The following UNC5D variants were observed in gnomAD, a reference collection of about 807,000 sequenced individuals.
The protein encoded by UNC5D is netrin receptor UNC5D.
A neutral mutation model predicts 105.4 loss-of-function variants in UNC5D; 39 were observed. The observed-to-expected ratio is 0.37, with a 90% CI of 0.29 to 0.48. The LOEUF (loss-of-function observed/expected upper bound fraction) is 0.48, where lower values mean the gene tolerates loss of function less well. Among genes scored for constraint, UNC5D ranks in the 20% least tolerant of loss-of-function variants. UNC5D has a pLI of 0.98. For synonymous variants in UNC5D, 452 were observed against 450.4 expected (o/e 1.00, Z -0.04); for missense variants, 991 against 1,202.4 (o/e 0.82, Z 2.60).
intron 1 of UNC5D, among the ~76,000 whole-genome samples, chr8:35,397,501 C>T (rs1011914693): frequency 2.6e-5 from 4 of 152,180 alleles, no homozygotes; most frequent in Non-Finnish European, 5.9e-5. Context: ...ACAACCTTCT[C>T]AACTTGCTTG....
intron 1 of UNC5D, among the ~76,000 whole-genome samples, chr8:35,478,196 A>G (rs1049407577): frequency 6.6e-6 from 1 of 152,108 alleles, no homozygotes; most frequent in African/African-American, 2.4e-5. Context: ...CTCTTCAAAA[A>G]TTTTTTGAAT....
chr8:35,557,064 C>G (rs975696468), intron 2 of UNC5D, among the ~76,000 whole-genome samples: 4 of 152,174 alleles, frequency 2.6e-5, no homozygotes, highest in Non-Finnish European at 5.9e-5. Context: ...AAATCATGAC[C>G]ATGTTGCCCA....
intron 8 of UNC5D, among the ~76,000 whole-genome samples, chr8:35,709,630 C>T (rs1161454657): frequency 6.6e-6 from 1 of 152,108 alleles, no homozygotes; most frequent in African/African-American, 2.4e-5. Context: ...GTGGAGGTTG[C>T]AGTGAGCCGA....
intron 4 of UNC5D, among the ~76,000 whole-genome samples, chr8:35,599,982 G>A (rs1819748417): frequency 6.6e-6 from 1 of 151,846 alleles, no homozygotes; most frequent in African/African-American, 2.4e-5. Context: ...TCCCTGGTGT[G>A]TGATGTTCCC....
chr8:35,629,533 G>C (rs1052707487), intron 4 of UNC5D, among the ~76,000 whole-genome samples: 1 of 151,940 alleles, frequency 6.6e-6, no homozygotes, highest in African/African-American at 2.4e-5. Context: ...ATAGACACTA[G>C]GACTCCAAAA....
At chr8:35,442,959 A>T (rs984673038) in intron 1 of UNC5D, among the ~76,000 whole-genome samples, 2 of 150,808 alleles carry the variant, frequency 1.3e-5, no homozygotes, top group Non-Finnish European at 1.5e-5. Context: ...CACTGTGCTT[A>T]AGTATTTGAC....
At chr8:35,616,865 A>C (rs973797228) in intron 4 of UNC5D, among the ~76,000 whole-genome samples, 2 of 152,250 alleles carry the variant, frequency 1.3e-5, no homozygotes, top group African/African-American at 2.4e-5. Flanking sequence ...GAAACCTCAT[A>C]TAAGAAAAGG....
chr8:35,390,885 A>G (rs1803728906), intron 1 of UNC5D, among the ~76,000 whole-genome samples: 2 of 152,244 alleles, frequency 1.3e-5, no homozygotes, highest in Non-Finnish European at 1.5e-5. Context: ...TGAGTTAAAA[A>G]CAATAAAAAT....
intron 1 of UNC5D, among the ~76,000 whole-genome samples, chr8:35,439,087 C>A (rs1188733830): frequency 6.6e-6 from 1 of 151,758 alleles, no homozygotes; most frequent in South Asian, 2.1e-4. Flanking sequence ...ATTATCTCAG[C>A]CCCTAGTTCT....
intron 4 of UNC5D, among the ~76,000 whole-genome samples, chr8:35,632,274 G>A (rs1229702242): frequency 6.6e-6 from 1 of 152,208 alleles, no homozygotes; most frequent in Non-Finnish European, 1.5e-5. Context: ...ACATGAGTGA[G>A]GAAACTGCAT....
At chr8:35,631,280 C>T (rs1822023143) in intron 4 of UNC5D, among the ~76,000 whole-genome samples, 1 of 150,884 alleles carries the variant, frequency 6.6e-6, no homozygotes, top group Non-Finnish European at 1.5e-5. Flanking sequence ...TGCCACTGCA[C>T]TCCAGCCTGG....
At chr8:35,778,676 A>G (rs920355061) in intron 16 of UNC5D, among the ~76,000 whole-genome samples, 1 of 152,206 alleles carries the variant, frequency 6.6e-6, no homozygotes. Context: ...CAATTCCAAA[A>G]AGCGTTTAAA....
chr8:35,510,198 G>C (rs1812601670), intron 1 of UNC5D, among the ~76,000 whole-genome samples: 1 of 151,524 alleles, frequency 6.6e-6, no homozygotes, highest in African/African-American at 2.4e-5. Context: ...TCAGGAGGTG[G>C]AGCTGAAAGT....
intron 14 of UNC5D, among the ~76,000 whole-genome samples, chr8:35,760,074 C>T (rs1394014516): frequency 2.0e-5 from 3 of 147,776 alleles, no homozygotes; most frequent in Non-Finnish European, 4.4e-5. Context: ...GAGTCTGTCT[C>T]TCTCTGTTGC....
intron 4 of UNC5D, among the ~76,000 whole-genome samples, chr8:35,624,964 A>G (rs186399542): frequency 1.2e-3 from 177 of 152,302 alleles, no homozygotes; most frequent in African/African-American, 4.1e-3. Context: ...TCCCTTAATT[A>G]TTGTAATCTG....
At chr8:35,476,696 T>G (rs1810124555) in intron 1 of UNC5D, among the ~76,000 whole-genome samples, 1 of 152,188 alleles carries the variant, frequency 6.6e-6, no homozygotes, top group African/African-American at 2.4e-5. Context: ...TGTCCTAGAT[T>G]AGTCTCCAGT....
chr8:35,361,879 C>A (rs901956075), intron 1 of UNC5D, among the ~76,000 whole-genome samples: 2 of 152,024 alleles, frequency 1.3e-5, no homozygotes, highest in Admixed American at 6.6e-5. Flanking sequence ...GACCATATAT[C>A]AATTATGTGC....
chr8:35,514,727 T>C (rs1287616292), intron 1 of UNC5D, among the ~76,000 whole-genome samples: 2 of 152,244 alleles, frequency 1.3e-5, no homozygotes, highest in Non-Finnish European at 2.9e-5. Context: ...AAAATTCACA[T>C]AAGCAGGAGT....
intron 1 of UNC5D, among the ~76,000 whole-genome samples, chr8:35,460,685 C>T (rs1361872963): frequency 3.3e-5 from 5 of 152,212 alleles, no homozygotes; most frequent in African/African-American, 1.2e-4. Flanking sequence ...GATCTGCAAG[C>T]TGCTTGAAGC....
Sources: gnomAD v4.1 joint callset for allele counts (sites outside exome capture counted in the v4.1 genomes callset) on GRCh38, gnomAD v4.1.1 for gene constraint, MANE v1.5 for transcripts, NCBI Gene and HGNC (gene_info 2026-07-23, HGNC 2026-07-21) for gene names.